The following BLTP1 variants were observed in gnomAD, a reference collection of about 807,000 sequenced individuals.
BLTP1 encodes bridge-like lipid transfer protein family member 1.
chr4:122,188,006 A>G, the BLTP1 span: 1 of 1,593,058 alleles, frequency 6.3e-7, no homozygotes, highest in Non-Finnish European at 8.5e-7. Context: ...TGACCAATTC[A>G]TGCATATTGT....
At chr4:122,213,683 T>TA in the BLTP1 span, among the ~76,000 whole-genome samples, 1 of 152,094 alleles carries the variant, frequency 6.6e-6, no homozygotes, top group Non-Finnish European at 1.5e-5. Flanking sequence ...GCATTATCAT[T>TA]AAAAAAATTC....
the BLTP1 span, among the ~76,000 whole-genome samples, chr4:122,210,593 T>A: frequency 9.2e-5 from 14 of 152,106 alleles, no homozygotes; most frequent in South Asian, 2.1e-4. Context: ...GTGACCCAAA[T>A]TTATATTGCA....
chr4:122,319,239 A>C, the BLTP1 span, among the ~76,000 whole-genome samples: 1 of 151,536 alleles, frequency 6.6e-6, no homozygotes, highest in African/African-American at 2.4e-5. Flanking sequence ...AATTTTTATT[A>C]TTACTTTTCT....
chr4:122,165,754 T>C, the BLTP1 span, among the ~76,000 whole-genome samples: 2 of 133,694 alleles, frequency 1.5e-5, no homozygotes, highest in African/African-American at 5.1e-5. Flanking sequence ...GACTTTTTAA[T>C]GATTGCCATT....
chr4:122,249,381 A>G, the BLTP1 span: 5 of 1,502,682 alleles, frequency 3.3e-6, no homozygotes, highest in African/African-American at 7.0e-5. Flanking sequence ...GAGCACTAAG[A>G]TATCTTTTAA....
chr4:122,200,026 C>T, the BLTP1 span: 3 of 976,094 alleles, frequency 3.1e-6, no homozygotes, highest in South Asian at 9.5e-5. Flanking sequence ...ACAAAAGCTG[C>T]TATGTAAAAT....
the BLTP1 span, among the ~76,000 whole-genome samples, chr4:122,268,109 A>G: frequency 6.6e-6 from 1 of 152,186 alleles, no homozygotes; most frequent in Non-Finnish European, 1.5e-5. Context: ...TCGGTGAAAA[A>G]AATTACTTTT....
At chr4:122,190,389 G>A in the BLTP1 span, 5 of 974,776 alleles carry the variant, frequency 5.1e-6, no homozygotes, top group African/African-American at 5.3e-5. Context: ...AGCCCATGGT[G>A]CCTGGCCTGT....
chr4:122,356,791 A>G, the BLTP1 span: 1 of 1,591,858 alleles, frequency 6.3e-7, no homozygotes, highest in Non-Finnish European at 8.5e-7. Context: ...AGGCTGCAAG[A>G]ATGGCAGCTG....
At chr4:122,250,009 C>A in the BLTP1 span, 3 of 938,990 alleles carry the variant, frequency 3.2e-6, no homozygotes, top group Non-Finnish European at 3.8e-6. Context: ...TAGAATTATG[C>A]CATATAGGAT....
At chr4:122,152,359 C>T in the BLTP1 span, 10 of 985,912 alleles carry the variant, frequency 1.0e-5, no homozygotes, top group African/African-American at 8.7e-5. Flanking sequence ...GGTTGGGACC[C>T]CTCCCCTCCT....
At chr4:122,196,530 G>A in the BLTP1 span, 3 of 874,178 alleles carry the variant, frequency 3.4e-6, no homozygotes, top group East Asian at 8.1e-5. Context: ...ATTGTCAAAT[G>A]TGATAGCAAT....
the BLTP1 span, among the ~76,000 whole-genome samples, chr4:122,201,443 T>C: frequency 1.3e-5 from 2 of 152,164 alleles, no homozygotes; most frequent in East Asian, 1.9e-4. Context: ...TCTTCCCAAA[T>C]TAGGCATCAG....
the BLTP1 span, among the ~76,000 whole-genome samples, chr4:122,164,676 GC>G: frequency 6.6e-6 from 1 of 151,958 alleles, no homozygotes; most frequent in East Asian, 1.9e-4. Flanking sequence ...AATTTTGTTA[GC>G]CATCAAAATT....
At chr4:122,185,959 G>A in the BLTP1 span, 9 of 1,155,128 alleles carry the variant, frequency 7.8e-6, no homozygotes, top group African/African-American at 1.4e-4. Flanking sequence ...TACTTTGGGT[G>A]TATAAAAATG....
At chr4:122,223,099 A>G in the BLTP1 span, 1 of 897,992 alleles carries the variant, frequency 1.1e-6, no homozygotes, top group Non-Finnish European at 1.3e-6. Flanking sequence ...TGCCTGGAGA[A>G]GTCAGGTGAT....
the BLTP1 span, chr4:122,309,163 GC>G: frequency 2.1e-6 from 3 of 1,451,026 alleles, no homozygotes; most frequent in Non-Finnish European, 2.7e-6. Context: ...ACATATCTAG[GC>G]TTGACCGTTT....
At chr4:122,271,838 A>C in the BLTP1 span, 1 of 761,218 alleles carries the variant, frequency 1.3e-6, no homozygotes, top group South Asian at 2.0e-5. Context: ...ATTGAAATGG[A>C]GAGAAATTGT....
At chr4:122,281,916 T>G in the BLTP1 span, 1 of 1,289,196 alleles carries the variant, frequency 7.8e-7, no homozygotes, top group South Asian at 2.5e-5. Flanking sequence ...TTAATGATGT[T>G]CTCTAGTCAA....
Sources: gnomAD v4.1 joint callset for allele counts (sites outside exome capture counted in the v4.1 genomes callset) on GRCh38, gnomAD v4.1.1 for gene constraint, MANE v1.5 for transcripts, NCBI Gene and HGNC (gene_info 2026-07-23, HGNC 2026-07-21) for gene names.